TMED8: variants seen among roughly 807,000 people sequenced by gnomAD.
The protein encoded by TMED8 is transmembrane p24 trafficking protein family member 8.
Under a neutral mutation model 32.7 loss-of-function variants are expected in TMED8, and 15 were observed. That is an observed-to-expected ratio of 0.46 (90% CI 0.31 to 0.71). The LOEUF (loss-of-function observed/expected upper bound fraction) is 0.71. TMED8 is among the 30% of genes least tolerant of loss of function. TMED8 has a pLI of 0.06. For synonymous variants in TMED8, 147 were observed against 161.4 expected (o/e 0.91, Z 0.68); for missense variants, 390 against 423.9 (o/e 0.92, Z 0.70).
At chr14:77,351,436 G>GTTTTTTT (rs1566687602) in intron 2 of TMED8, among the ~76,000 whole-genome samples, 4 of 117,962 alleles carry the variant, frequency 3.4e-5, no homozygotes, top group African/African-American at 1.0e-4. Context: ...TTTTTTTTTG[G>GTTTTTTT]ATTTTTAGTA....
chr14:77,375,331 CA>C (rs1018193191), intron 1 of TMED8, among the ~76,000 whole-genome samples: 4 of 151,744 alleles, frequency 2.6e-5, no homozygotes, highest in East Asian at 1.9e-4. Flanking sequence ...AATTAGATGT[CA>C]GGGGGAAAAA....
At chr14:77,369,900 G>A (rs114033221) in intron 1 of TMED8, among the ~76,000 whole-genome samples, 2,542 of 152,128 alleles carry the variant, frequency 0.017, 69 homozygotes, top group African/African-American at 0.058. Flanking sequence ...TGCCAGGCAC[G>A]GTGGCTCATG....
chr14:77,353,801 G>T (rs757043722), intron 1 of TMED8, among the ~76,000 whole-genome samples: 15 of 151,970 alleles, frequency 9.9e-5, no homozygotes, highest in Non-Finnish European at 2.2e-4. Context: ...CTCACAGGCA[G>T]AAAGACCTTA....
At position 77,341,669 on chromosome 14, in the gene TMED8, G is replaced by GC. The variant is rs1193011897; in HGVS notation, c.*101dup. Reference sequence around the variant, plus strand: ...GCCAGACAGGGTGTGAGGCTCAGCAGCCCCCCATGAACCTTTGGCTCTTGC... The same window carrying GC: ...GCCAGACAGGGTGTGAGGCTCAGCAGCCCCCCCATGAACCTTTGGCTCTTGC... On this transcript the variant is annotated 3_prime_UTR_variant, in exon 6 of 6. Coordinates refer to ENST00000216468, the MANE Select transcript of TMED8 (RefSeq NM_213601.3). The GC allele has an allele frequency of 9.5e-6, 11 of 1,155,520 alleles. No individual in the cohort carries two copies. In the South Asian group the frequency reaches 1.1e-4, roughly 12 times the overall value. 71.6% of individuals were successfully genotyped at this position (1,155,520 alleles called of 1,614,324 possible).
At chr14:77,361,979 A>G (rs1352673803) in intron 1 of TMED8, among the ~76,000 whole-genome samples, 1 of 152,174 alleles carries the variant, frequency 6.6e-6, no homozygotes, top group Admixed American at 6.5e-5. Flanking sequence ...TCTTTATGCT[A>G]CTGTAAATTG....
At chr14:77,374,441 A>C (rs1303206295) in intron 1 of TMED8, among the ~76,000 whole-genome samples, 2 of 152,230 alleles carry the variant, frequency 1.3e-5, no homozygotes, top group African/African-American at 4.8e-5. Context: ...ATGTTTAGCA[A>C]ACATCCCTAG....
At chr14:77,373,694 A>T (rs1893749496) in intron 1 of TMED8, among the ~76,000 whole-genome samples, 1 of 152,214 alleles carries the variant, frequency 6.6e-6, no homozygotes, top group East Asian at 1.9e-4. Context: ...ACAATACCTG[A>T]TATGGCTTGG....
rs907522355 is a variant in TMED8, at chr14:77,338,068, T to C, written c.*3703A>G. 6.6e-6 allele frequency: 1 copy of C among 152,124 alleles called. No individual in the cohort carries two copies. Among genetic ancestry groups the C allele is most frequent in the African/African-American group, 2.4e-5 (1 of 41,424 alleles). 9.4% of individuals were successfully genotyped at this position (152,124 alleles called of 1,614,324 possible). On this transcript the variant is annotated 3_prime_UTR_variant, in exon 6 of 6. Coordinates refer to ENST00000216468, the MANE Select transcript of TMED8 (RefSeq NM_213601.3). ...TGGTCAGATTACAGGGTGCCTCATATTACCCTCTTCCCTTTGGAATTTAAA... is the reference window on the plus strand; with the variant it reads ...TGGTCAGATTACAGGGTGCCTCATACTACCCTCTTCCCTTTGGAATTTAAA...
chr14:77,346,770 T>TG (rs1203261396), intron 2 of TMED8, among the ~76,000 whole-genome samples: 1 of 139,410 alleles, frequency 7.2e-6, no homozygotes, highest in Non-Finnish European at 1.5e-5. Flanking sequence ...GTTTTTTTTT[T>TG]TTTTTTTTTT....
chr14:77,346,611 T>C (rs1893042818), intron 2 of TMED8, 133 bp from the exon 3 acceptor site: 3 of 1,183,104 alleles, frequency 2.5e-6, no homozygotes, highest in Middle Eastern at 2.2e-4. Flanking sequence ...TTAGCTCTAC[T>C]GTCACCTTAG....
At chr14:77,374,543 G>A (rs760132958) in intron 1 of TMED8, among the ~76,000 whole-genome samples, 7 of 152,186 alleles carry the variant, frequency 4.6e-5, no homozygotes, top group Non-Finnish European at 8.8e-5. Flanking sequence ...ATACAAAATC[G>A]TACCTGGTTG....
At position 77,346,379 on chromosome 14, in the gene TMED8, C is replaced by T. The variant is rs1001502195; in HGVS notation, c.297G>A (p.Leu99=). 1.9e-6 allele frequency: 3 copies of T among 1,614,158 alleles called. No individual in the cohort carries two copies. Among genetic ancestry groups the T allele is most frequent in the Non-Finnish European group, 1.7e-6 (2 of 1,180,028 alleles). The change falls in exon 3 of 6, where the codon CTG becomes CTA. Residue 99 remains leucine, a synonymous_variant. Coordinates refer to ENST00000216468, the MANE Select transcript of TMED8 (RefSeq NM_213601.3). ...EAQALVKQDL[L]PADQAQVLNE... ...TGAGGACCTGGGCCTGGTCTGCAGG[C>T]AGCAAATCCTGTTTCACCAAGGCCT...
intron 1 of TMED8, among the ~76,000 whole-genome samples, chr14:77,374,163 T>A (rs1185653043): frequency 6.6e-6 from 1 of 152,222 alleles, no homozygotes; most frequent in Non-Finnish European, 1.5e-5. Flanking sequence ...AGAAATCTCA[T>A]TAAATTTCAT....
At chr14:77,346,829 T>C (rs567134463) in intron 2 of TMED8, among the ~76,000 whole-genome samples, 1 of 147,748 alleles carries the variant, frequency 6.8e-6, no homozygotes, top group African/African-American at 2.5e-5. Flanking sequence ...TGACAAAGTG[T>C]ATATATTTAT....
At chr14:77,363,138 T>C (rs1230313213) in intron 1 of TMED8, among the ~76,000 whole-genome samples, 1 of 152,216 alleles carries the variant, frequency 6.6e-6, no homozygotes, top group Non-Finnish European at 1.5e-5. Flanking sequence ...CAATTTTCCA[T>C]ACAACAGTAG....
chr14:77,343,145 G>A (rs1326132276), intron 5 of TMED8, 33 bp downstream of exon 5: 1 of 1,598,728 alleles, frequency 6.3e-7, no homozygotes, highest in South Asian at 1.1e-5. Flanking sequence ...GATTAAGCCA[G>A]AAAACTGCAA....
chr14:77,343,765 T>A lies in TMED8; in HGVS notation c.386A>T (p.His129Leu). 1 of 1,614,238 alleles carries A rather than the reference T, an allele frequency of 6.2e-7. No individual in the cohort carries two copies. Among genetic ancestry groups the A allele is most frequent in the Non-Finnish European group, 8.5e-7 (1 of 1,180,042 alleles). Residue 129 changes from histidine (H) to leucine (L), a missense_variant, in exon 4 of 6, where the codon CAT becomes CTT. Transcript: ENST00000216468. ...SGDIVMIQSE[H>L]TGAIDVLSAD... The stretch of plus-strand genomic sequence containing the variant: ...TGAAAGAACATCTATAGCTCCTGTA[T>A]GTTCAGACTGGATCATAACGATGTC...
intron 1 of TMED8, chr14:77,359,278 C>G (rs1020757142): frequency 6.2e-6 from 1 of 160,490 alleles, no homozygotes; most frequent in Non-Finnish European, 1.4e-5. Context: ...TATCCACATT[C>G]AGTGGTGCAA....
intron 1 of TMED8, among the ~76,000 whole-genome samples, chr14:77,361,292 C>A (rs1305465965): frequency 6.6e-6 from 1 of 152,104 alleles, no homozygotes; most frequent in Non-Finnish European, 1.5e-5. Context: ...CATTTCCATT[C>A]TTTTGCATGT....
Sources: allele counts gnomAD v4.1 joint callset (sites outside exome capture counted in the v4.1 genomes callset), GRCh38; gene constraint gnomAD v4.1.1; transcripts MANE v1.5; gene names NCBI Gene and HGNC (gene_info 2026-07-23, HGNC 2026-07-21).